The following MLLT1 variants were observed in gnomAD, a reference collection of about 807,000 sequenced individuals.
MLLT1 encodes protein ENL.
A neutral mutation model predicts 55.1 loss-of-function variants in MLLT1; 11 were observed. That is an observed-to-expected ratio of 0.20 (90% CI 0.13 to 0.33). The LOEUF (loss-of-function observed/expected upper bound fraction) is 0.33. Ranked by LOEUF, MLLT1 falls within the 10% of genes least tolerant of loss-of-function variation. MLLT1 has a pLI of 1.00. For synonymous variants in MLLT1, 323 were observed against 320.1 expected, an observed-to-expected ratio of 1.01 and a Z score of -0.10; for missense variants, 536 against 760.6, an observed-to-expected ratio of 0.70 and a Z score of 3.47.
At chr19:6,224,092 G>A (rs1283041214) in intron 5 of MLLT1, among the ~76,000 whole-genome samples, 1 of 152,228 alleles carries the variant, frequency 6.6e-6, no homozygotes, top group Non-Finnish European at 1.5e-5. Flanking sequence ...AACCACCTGA[G>A]TGTCCAGGGA....
chr19:6,273,839 C>T lies in MLLT1; in HGVS notation c.13-3080G>A, dbSNP rs552108362. Among the ~76,000 whole-genome samples the T allele has an allele frequency of 6.6e-5, 10 of 152,334 alleles. No homozygotes were observed. In the South Asian group the frequency reaches 1.4e-3, roughly 22 times the overall value. Reference sequence around the variant, plus strand: ...CGGCCACTCAGACCTCGGCCGACTTCCCGGCATTTCTGATGACAGGGAGTT... The same window carrying T: ...CGGCCACTCAGACCTCGGCCGACTTTCCGGCATTTCTGATGACAGGGAGTT... On this transcript the variant is annotated intron_variant, in intron 1 of 11. Coordinates refer to ENST00000252674, the MANE Select transcript of MLLT1 (RefSeq NM_005934.4). The surrounding 1 kb of genome is among the most constrained non-coding windows in gnomAD (Gnocchi z 4.3).
intron 3 of MLLT1, among the ~76,000 whole-genome samples, chr19:6,258,434 G>A (rs893202026): frequency 7.2e-5 from 11 of 152,152 alleles, no homozygotes; most frequent in Non-Finnish European, 1.2e-4. Context: ...CAACACGCAT[G>A]TTCCCAGCAG....
chr19:6,212,852 G>T lies in MLLT1; in HGVS notation c.*190C>A. On this transcript the variant is annotated 3_prime_UTR_variant, in exon 12 of 12. Coordinates refer to ENST00000252674, the MANE Select transcript of MLLT1 (RefSeq NM_005934.4). ...TCCCGTGTGGCCCAGCCCGGCCCCA[G>T]GGCTCCTGGCGATGGAGCGGGGAGA... is the stretch of plus-strand genomic sequence containing the variant. 1 of 954,918 alleles carries T rather than the reference G, an allele frequency of 1.0e-6. No homozygotes were observed. Among genetic ancestry groups the T allele is most frequent in the Non-Finnish European group, 1.5e-6 (1 of 679,826 alleles). The allele number at this position is 954,918 out of a possible 1,614,324, so 59.2% of individuals were successfully genotyped here. A position where few individuals can be genotyped will look rare whatever the true frequency, so the allele number is the denominator to read the frequency against.
intron 8 of MLLT1, among the ~76,000 whole-genome samples, chr19:6,215,251 G>A (rs1428985580): frequency 6.6e-6 from 1 of 152,238 alleles, no homozygotes; most frequent in Non-Finnish European, 1.5e-5. Context: ...TTCGCGTGTG[G>A]CTCGGTCCCT....
At position 6,243,340 on chromosome 19, in the gene MLLT1, G is replaced by A. The variant is rs781068138; in HGVS notation, c.277-12627C>T. Among the ~76,000 whole-genome samples the A allele has an allele frequency of 7.4e-4, 112 of 152,074 alleles. 1 individual carries two copies. Among genetic ancestry groups the A allele is most frequent in the Non-Finnish European group, 1.2e-3 (80 of 67,984 alleles). ...CCAGGTCAGCTCTGCAGCCCCTCCCGAGGCCCTCACCCTGCCTCCTAACTG... is the reference window on the plus strand; with the variant it reads ...CCAGGTCAGCTCTGCAGCCCCTCCCAAGGCCCTCACCCTGCCTCCTAACTG... On this transcript the variant is annotated intron_variant, in intron 3 of 11. Coordinates refer to ENST00000252674, the MANE Select transcript of MLLT1 (RefSeq NM_005934.4).
At chr19:6,218,827 A>G (rs1037741003) in intron 6 of MLLT1, among the ~76,000 whole-genome samples, 7 of 152,168 alleles carry the variant, frequency 4.6e-5, no homozygotes, top group Admixed American at 1.3e-4. Context: ...CTGGGCCCAC[A>G]TTTCTGCCAA....
chr19:6,270,859 T>C lies in MLLT1; in HGVS notation c.13-100A>G, dbSNP rs1756923716. On this transcript the variant is annotated intron_variant, in intron 1 of 11. Transcript: ENST00000252674. This position sits in a 1 kb window ranked among gnomAD's most constrained non-coding sequence, Gnocchi z 7.1. The stretch of plus-strand genomic sequence containing the variant: ...AACTTTCGATAAAGACCCCCAGCAG[T>C]GCAATACGCTCTCAACCCAGTGAGC... 8.8e-7 allele frequency: 1 copy of C among 1,134,584 alleles called. No individual in the cohort carries two copies. 70.3% of individuals were successfully genotyped at this position (1,134,584 alleles called of 1,614,324 possible). A position where few individuals can be genotyped will look rare whatever the true frequency, so the allele number is the denominator to read the frequency against.
At chr19:6,218,062 G>A (rs2090862841) in intron 6 of MLLT1, 21 bp from the exon 7 acceptor site, 2 of 1,592,812 alleles carry the variant, frequency 1.3e-6, no homozygotes, top group African/African-American at 2.7e-5. Context: ...TGGTGGGATG[G>A]GCAGGGAGGG....
intron 3 of MLLT1, among the ~76,000 whole-genome samples, chr19:6,232,992 G>T (rs2091026510): frequency 6.6e-6 from 1 of 152,196 alleles, no homozygotes; most frequent in Non-Finnish European, 1.5e-5. Context: ...GTCAGCAGTG[G>T]GGACGCAAGG....
At chr19:6,265,021 C>T (rs1310443159) in intron 2 of MLLT1, among the ~76,000 whole-genome samples, 10 of 67,316 alleles carry the variant, frequency 1.5e-4, no homozygotes, top group Non-Finnish European at 1.6e-4. Flanking sequence ...TCAAATGTCA[C>T]AAAACATAGT....
At chr19:6,242,403 C>A (rs80258818) in intron 3 of MLLT1, among the ~76,000 whole-genome samples, 1 of 152,328 alleles carries the variant, frequency 6.6e-6, no homozygotes, top group East Asian at 1.9e-4. Flanking sequence ...AAACTCTCCA[C>A]GTAATGCCCT....
In MLLT1 at chr19:6,214,162, A is replaced by G. The variant is rs1406232611; in HGVS notation, c.1308-124T>C. On this transcript the variant is annotated intron_variant, in intron 8 of 11. Transcript: ENST00000252674. ...GAGCCCACACACCCCCAACAGCTCC[A>G]TTCACCTCTGCGCAGGAACCTCAAC... The G allele has an allele frequency of 1.8e-4, 81 of 448,698 alleles. 1 individual carries two copies. In the East Asian group the frequency reaches 2.9e-3, roughly 16 times the overall value. 27.8% of individuals were successfully genotyped at this position (448,698 alleles called of 1,614,324 possible).
In MLLT1 at chr19:6,235,187, G is replaced by T. The variant is rs2091048198; in HGVS notation, c.277-4474C>A. ...GGTGACGGCTACGAGGGGGTTTGTT[G>T]CATCTGCCTCTGTAAATGCTTCCAA... On this transcript the variant is annotated intron_variant, in intron 3 of 11. Coordinates refer to ENST00000252674, the MANE Select transcript of MLLT1 (RefSeq NM_005934.4). The surrounding 1 kb of genome is among the most constrained non-coding windows in gnomAD (Gnocchi z 5.5). Among the ~76,000 whole-genome samples, 1 of 152,224 alleles carries T rather than the reference G, an allele frequency of 6.6e-6. No individual in the cohort carries two copies. The highest frequency in any genetic ancestry group is 2.1e-4 in the South Asian group (1 of 4,832).
intron 6 of MLLT1, among the ~76,000 whole-genome samples, chr19:6,221,192 G>A (rs1298247604): frequency 6.6e-6 from 1 of 152,172 alleles, no homozygotes; most frequent in Admixed American, 6.5e-5. Context: ...AGGGCAAGCC[G>A]GACCCACAAA....
rs761387194 is a variant in MLLT1 at position 6,229,832 on chromosome 19, C to T, written c.420+738G>A. 1.4e-4 allele frequency among the ~76,000 whole-genome samples: 21 copies of T among 151,708 alleles called. No individual in the cohort carries two copies. Among genetic ancestry groups the T allele is most frequent in the Non-Finnish European group, 2.5e-4 (17 of 67,870 alleles). On this transcript the variant is annotated intron_variant, in intron 4 of 11. Transcript: ENST00000252674. The surrounding 1 kb of genome is among the most constrained non-coding windows in gnomAD (Gnocchi z 5.2). The stretch of plus-strand genomic sequence containing the variant: ...TACACGAGACACATGCCACACACAA[C>T]ACACGTACATACACATGACACACCA...
chr19:6,227,273 G>C lies in MLLT1; in HGVS notation c.421-171C>G, dbSNP rs573730858. Among the ~76,000 whole-genome samples, 1 of 152,140 alleles carries C rather than the reference G, an allele frequency of 6.6e-6. No homozygotes were observed. The highest frequency in any genetic ancestry group is 1.5e-5 in the Non-Finnish European group (1 of 68,030). ...CTGCTGGGGACTGGGTGCTGAGCAC[G>C]CAGAAGAAGCAGGCATGGGTGGGGA... On this transcript the variant is annotated intron_variant, in intron 4 of 11. Coordinates refer to ENST00000252674, the MANE Select transcript of MLLT1 (RefSeq NM_005934.4). This position sits in a 1 kb window ranked among gnomAD's most constrained non-coding sequence, Gnocchi z 5.1.
At chr19:6,216,217 GAC>G (rs968063656) in intron 8 of MLLT1, among the ~76,000 whole-genome samples, 186 bp downstream of exon 8, 19 of 152,158 alleles carry the variant, frequency 1.2e-4, no homozygotes, top group Non-Finnish European at 2.6e-4. Flanking sequence ...ACCAGGAGAG[GAC>G]ACACAGCCCC....
intron 1 of MLLT1, among the ~76,000 whole-genome samples, chr19:6,271,057 C>T (rs1008717059): frequency 1.1e-4 from 17 of 151,986 alleles, no homozygotes; most frequent in African/African-American, 3.1e-4. Context: ...ACTCCTGCCT[C>T]GGGGCCACCA....
Position 6,221,979 on chromosome 19 carries a change from G to A in MLLT1, c.1110+142C>T, listed in dbSNP as rs2090902429. 10 of 596,416 alleles carry A rather than the reference G, an allele frequency of 1.7e-5. No homozygotes were observed. In the East Asian group the frequency reaches 3.4e-4, roughly 20 times the overall value. 36.9% of individuals were successfully genotyped at this position (596,416 alleles called of 1,614,324 possible). ...AGCCTAGTGAGGCGTGGAGGCCCCAGGTTACAAGAAGCCAGTGGGAGGAGC... is the reference window on the plus strand; with the variant it reads ...AGCCTAGTGAGGCGTGGAGGCCCCAAGTTACAAGAAGCCAGTGGGAGGAGC... On this transcript the variant is annotated intron_variant, in intron 6 of 11. Transcript: ENST00000252674.
Sources: allele counts gnomAD v4.1 joint callset (sites outside exome capture counted in the v4.1 genomes callset), GRCh38; gene constraint gnomAD v4.1.1; non-coding constraint Gnocchi (gnomAD v3.1); transcripts MANE v1.5; gene names NCBI Gene and HGNC (gene_info 2026-07-23, HGNC 2026-07-21).